Variants in ATP8A2 observed in about 807,000 individuals in gnomAD.
The protein encoded by ATP8A2 is phospholipid-transporting ATPase IB.
Under a neutral mutation model 165.6 loss-of-function variants are expected in ATP8A2, and 100 were observed. That is an observed-to-expected ratio of 0.60 (90% CI 0.51 to 0.71). The LOEUF (loss-of-function observed/expected upper bound fraction) is 0.71. Ranked by LOEUF, ATP8A2 falls within the 30% of genes least tolerant of loss-of-function variation. The probability of loss-of-function intolerance (pLI) is 0.00; values close to 1 mark genes in which losing one functional copy is unlikely to be tolerated. For missense variants in ATP8A2, 1,227 were observed against 1,479.5 expected (o/e 0.83, Z 2.80); for synonymous variants, 543 against 548.8 (o/e 0.99, Z 0.15).
At chr13:25,540,097 C>A (rs560588406) in intron 7 of ATP8A2, among the ~76,000 whole-genome samples, 1 of 152,196 alleles carries the variant, frequency 6.6e-6, no homozygotes, top group Non-Finnish European at 1.5e-5. Flanking sequence ...GTGGGGCTTA[C>A]AAAGGCAGAT....
chr13:25,922,631 G>C (rs553302528), intron 33 of ATP8A2, among the ~76,000 whole-genome samples: 66 of 152,274 alleles, frequency 4.3e-4, no homozygotes, highest in African/African-American at 1.5e-3. Flanking sequence ...GGAGCTCTTC[G>C]GAGAGCACAA....
rs1955447792 is a variant in ATP8A2, at chr13:25,953,872, C to G, written c.3184-7703C>G. 6.6e-6 allele frequency among the ~76,000 whole-genome samples: 1 copy of G among 152,204 alleles called. No homozygotes were observed. ...TTCGCAAACTGCAGACCAGGAGATT[C>G]CCTCCGGTGCCTACATCACCAGGGC... On this transcript the variant is annotated intron_variant, in intron 33 of 36. Coordinates refer to ENST00000381655, the MANE Select transcript of ATP8A2 (RefSeq NM_016529.6). This position sits in a 1 kb window ranked among gnomAD's most constrained non-coding sequence, Gnocchi z 6.7.
intron 1 of ATP8A2, among the ~76,000 whole-genome samples, chr13:25,375,909 C>T (rs929751373): frequency 2.0e-5 from 3 of 152,098 alleles, no homozygotes; most frequent in Admixed American, 1.3e-4. Context: ...TGGAGCCCTC[C>T]TCTAAATTCC....
intron 22 of ATP8A2, 85 bp from the exon 23 acceptor site, chr13:25,581,734 T>C: frequency 1.5e-6 from 2 of 1,290,398 alleles, no homozygotes; most frequent in African/African-American, 1.5e-5. Flanking sequence ...CTCAGAACCG[T>C]TTGATTGCCT....
chr13:25,831,811 C>G (rs1951480696), intron 28 of ATP8A2, among the ~76,000 whole-genome samples: 1 of 151,974 alleles, frequency 6.6e-6, no homozygotes, highest in Admixed American at 6.5e-5. Context: ...CCACTGCACT[C>G]TAGCCTGGGC....
At chr13:25,801,102 C>T (rs1196988893) in intron 27 of ATP8A2, among the ~76,000 whole-genome samples, 3 of 152,068 alleles carry the variant, frequency 2.0e-5, no homozygotes, top group South Asian at 2.1e-4. Context: ...CAAGTTACAA[C>T]GGGAAAAGAA....
chr13:25,667,047 T>A (rs563027063), intron 24 of ATP8A2, among the ~76,000 whole-genome samples: 1 of 152,282 alleles, frequency 6.6e-6, no homozygotes, highest in East Asian at 1.9e-4. Context: ...ATTCAGTATA[T>A]TTAGTACATT....
chr13:26,012,581 C>A lies in ATP8A2; in HGVS notation c.3428C>A (p.Pro1143Gln). 1 of 1,527,854 alleles carries A rather than the reference C, an allele frequency of 6.5e-7. No individual in the cohort carries two copies. Among genetic ancestry groups the A allele is most frequent in the Non-Finnish European group, 8.8e-7 (1 of 1,137,784 alleles). 94.6% of individuals were successfully genotyped at this position (1,527,854 alleles called of 1,614,324 possible). Residue 1143 changes from proline to glutamine, a missense_variant, in exon 36 of 37, where the codon CCG becomes CAG. Transcript: ENST00000381655. ...AAGAGGCTGGGCCGGAAGACGCCCCCGACGCTGTTCCGGGGCAGCTCCCTG... is the reference window on the plus strand; with the variant it reads ...AAGAGGCTGGGCCGGAAGACGCCCCAGACGCTGTTCCGGGGCAGCTCCCTG... Reference protein sequence around the residue: ...LIKRLGRKTPPTLFRGSSLQQ... With the variant: ...LIKRLGRKTPQTLFRGSSLQQ...
chr13:25,881,902 G>T (rs1298405363), intron 33 of ATP8A2, among the ~76,000 whole-genome samples: 1 of 152,148 alleles, frequency 6.6e-6, no homozygotes, highest in Admixed American at 6.5e-5. Flanking sequence ...AGGCAGAGAG[G>T]TCCTGGGTGA....
chr13:25,981,092 T>A (rs1357568756), intron 35 of ATP8A2, among the ~76,000 whole-genome samples: 2 of 152,240 alleles, frequency 1.3e-5, no homozygotes, highest in Non-Finnish European at 2.9e-5. Flanking sequence ...TCTCTATATC[T>A]AGTTTACTTT....
At chr13:25,476,932 A>C (rs2036012331) in intron 2 of ATP8A2, among the ~76,000 whole-genome samples, 1 of 152,214 alleles carries the variant, frequency 6.6e-6, no homozygotes, top group African/African-American at 2.4e-5. Context: ...ACCCCTGGAC[A>C]AGTCTTTTGA....
At chr13:25,889,996 A>C (rs912297635) in intron 33 of ATP8A2, among the ~76,000 whole-genome samples, 1 of 152,006 alleles carries the variant, frequency 6.6e-6, no homozygotes, top group Non-Finnish European at 1.5e-5. Context: ...CCCTGTCTCT[A>C]ATAAAAATAC....
chr13:25,579,546 T>C (rs2039711215), intron 21 of ATP8A2, among the ~76,000 whole-genome samples: 1 of 152,098 alleles, frequency 6.6e-6, no homozygotes, highest in Non-Finnish European at 1.5e-5. Context: ...CATGCACAGC[T>C]CCCGAACCTC....
At chr13:25,800,115 C>T (rs569245151) in intron 27 of ATP8A2, among the ~76,000 whole-genome samples, 1 of 152,338 alleles carries the variant, frequency 6.6e-6, no homozygotes, top group African/African-American at 2.4e-5. Flanking sequence ...GTTAGATGAT[C>T]TTCATTTTAC....
chr13:25,467,365 G>T (rs913006782), intron 1 of ATP8A2, among the ~76,000 whole-genome samples: 1 of 152,194 alleles, frequency 6.6e-6, no homozygotes. Context: ...TTAATATTCG[G>T]AATAATATGT....
At position 25,559,060 on chromosome 13, in the gene ATP8A2, G is replaced by A; in HGVS notation, c.1351G>A (p.Gly451Ser). ...KKCSIAGVTY[G>S]HFPELAREPS... ...GTGCAGCATTGCCGGAGTAACCTAT[G>A]GGTCAGTGTGTTTATCATTTACTGA... The change falls in exon 14 of 37, where the codon GGT (glycine) becomes AGT (serine). Residue 451 changes from glycine to serine, a missense_variant and splice_region_variant. Around this residue, in one of 5 missense-constraint regions of ATP8A2, gnomAD observed 592 missense variants for 785.6 expected, o/e 0.75. Coordinates refer to ENST00000381655, the MANE Select transcript of ATP8A2 (RefSeq NM_016529.6). The A allele has an allele frequency of 6.3e-7, 1 of 1,596,090 alleles. No individual in the cohort carries two copies. Among genetic ancestry groups the A allele is most frequent in the Non-Finnish European group, 8.6e-7 (1 of 1,167,574 alleles).
At chr13:25,410,662 T>C (rs2033940510) in intron 1 of ATP8A2, among the ~76,000 whole-genome samples, 1 of 152,204 alleles carries the variant, frequency 6.6e-6, no homozygotes, top group South Asian at 2.1e-4. Flanking sequence ...TGGAAGAACG[T>C]GCACAGAAAG....
intron 2 of ATP8A2, among the ~76,000 whole-genome samples, chr13:25,526,629 G>A (rs2037850175): frequency 6.6e-6 from 1 of 152,154 alleles, no homozygotes; most frequent in African/African-American, 2.4e-5. Context: ...TAGCAATGTG[G>A]GAAGGTGAAT....
chr13:25,916,753 C>T (rs1954279192), intron 33 of ATP8A2, among the ~76,000 whole-genome samples: 1 of 152,174 alleles, frequency 6.6e-6, no homozygotes, highest in Admixed American at 6.5e-5. Context: ...TTTTGTTTTG[C>T]TGCACAAGCT....
Sources: allele counts gnomAD v4.1 joint callset (sites outside exome capture counted in the v4.1 genomes callset), GRCh38; gene constraint gnomAD v4.1.1; regional missense constraint gnomAD v4.1.1; non-coding constraint Gnocchi (gnomAD v3.1); transcripts MANE v1.5; gene names NCBI Gene and HGNC (gene_info 2026-07-23, HGNC 2026-07-21).